CNTN5: variants seen among roughly 807,000 people sequenced by gnomAD.
The protein encoded by CNTN5 is contactin-5.
CNTN5 carries 77 observed loss-of-function variants against 129.1 expected under a neutral mutation model. That is an observed-to-expected ratio of 0.60 (90% CI 0.50 to 0.72). The LOEUF (loss-of-function observed/expected upper bound fraction) is 0.72. CNTN5 is among the 30% of genes least tolerant of loss of function. The probability of loss-of-function intolerance (pLI) is 0.00; values close to 1 mark genes in which losing one functional copy is unlikely to be tolerated. For synonymous variants in CNTN5, 509 were observed against 465.6 expected, an observed-to-expected ratio of 1.09 and a Z score of -1.20; for missense variants, 1,478 against 1,328.8, an observed-to-expected ratio of 1.11 and a Z score of -1.75.
intron 9 of CNTN5, among the ~76,000 whole-genome samples, chr11:100,018,283 A>G (rs189029007): frequency 6.6e-6 from 1 of 152,024 alleles, no homozygotes; most frequent in East Asian, 1.9e-4. Flanking sequence ...ACATTTCTAC[A>G]TGTACACTTA....
intron 9 of CNTN5, among the ~76,000 whole-genome samples, chr11:100,015,443 C>T (rs1165893960): frequency 6.6e-6 from 1 of 152,074 alleles, no homozygotes; most frequent in Non-Finnish European, 1.5e-5. Flanking sequence ...GTAAGAAATG[C>T]CCTCAGTGGA....
intron 1 of CNTN5, among the ~76,000 whole-genome samples, chr11:99,129,430 A>T (rs1858818683): frequency 6.6e-6 from 1 of 152,148 alleles, no homozygotes; most frequent in African/African-American, 2.4e-5. Flanking sequence ...GAATAATAAT[A>T]GAAAACAAAC....
chr11:99,234,422 G>T (rs893828353), intron 1 of CNTN5, among the ~76,000 whole-genome samples: 1 of 152,192 alleles, frequency 6.6e-6, no homozygotes, highest in African/African-American at 2.4e-5. Context: ...TGCACACATA[G>T]GAGATGTTCA....
chr11:99,616,324 A>G (rs1565351640), intron 3 of CNTN5, among the ~76,000 whole-genome samples: 1 of 152,178 alleles, frequency 6.6e-6, no homozygotes, highest in African/African-American at 2.4e-5. Flanking sequence ...AGACTACTTG[A>G]TTCTGCACCC....
intron 2 of CNTN5, among the ~76,000 whole-genome samples, chr11:99,340,054 T>G (rs969633603): frequency 3.9e-5 from 6 of 152,130 alleles, no homozygotes; most frequent in African/African-American, 1.4e-4. Flanking sequence ...ATTGATGGAT[T>G]AGATATGACA....
At chr11:99,388,414 CAA>C (rs10652309) in intron 2 of CNTN5, among the ~76,000 whole-genome samples, 16,986 of 121,768 alleles carry the variant, frequency 0.14, 1,184 homozygotes, top group Non-Finnish European at 0.17. Flanking sequence ...AACCCGGTCT[CAA>C]AAAAAAAAAA....
intron 15 of CNTN5, among the ~76,000 whole-genome samples, chr11:100,212,709 A>C (rs73561228): frequency 0.059 from 8,963 of 152,072 alleles, 766 homozygotes; most frequent in African/African-American, 0.19. Context: ...GACTTTATCT[A>C]GTTCTAAAGT....
chr11:100,288,173 C>A (rs1339681675), intron 18 of CNTN5, among the ~76,000 whole-genome samples: 1 of 152,154 alleles, frequency 6.6e-6, no homozygotes, highest in Admixed American at 6.6e-5. Flanking sequence ...ACTTTAACAA[C>A]CCACTGTCAA....
At chr11:99,629,706 A>G (rs1309918007) in intron 3 of CNTN5, among the ~76,000 whole-genome samples, 1 of 152,066 alleles carries the variant, frequency 6.6e-6, no homozygotes, top group Admixed American at 6.6e-5. Context: ...AAATATTCTG[A>G]TGACACAATT....
intron 1 of CNTN5, among the ~76,000 whole-genome samples, chr11:99,171,329 T>C (rs12795211): frequency 0.37 from 55,506 of 152,050 alleles, 10,390 homozygotes; most frequent in East Asian, 0.41. Context: ...AGGATGTTTT[T>C]CTCCAATACA....
chr11:99,063,529 T>C (rs1864972482), intron 1 of CNTN5, among the ~76,000 whole-genome samples: 1 of 150,686 alleles, frequency 6.6e-6, no homozygotes, highest in African/African-American at 2.4e-5. Flanking sequence ...AATAAATAAA[T>C]AAATAAATAA....
At chr11:99,965,581 T>C (rs755276049) in intron 8 of CNTN5, among the ~76,000 whole-genome samples, 1 of 152,308 alleles carries the variant, frequency 6.6e-6, no homozygotes, top group South Asian at 2.1e-4. Flanking sequence ...TACTTCCAAC[T>C]ATGTGGTCAG....
In CNTN5 at chr11:99,844,847, T is replaced by C. The variant is rs756027539; in HGVS notation, c.278-5T>C. 12 of 1,609,156 alleles carry C rather than the reference T, an allele frequency of 7.5e-6. No homozygotes were observed. In the South Asian group the frequency reaches 1.3e-4, roughly 18 times the overall value. On this transcript the variant is annotated splice_polypyrimidine_tract_variant and splice_region_variant and intron_variant, in intron 4 of 24. Coordinates refer to ENST00000524871, the MANE Select transcript of CNTN5 (RefSeq NM_014361.4). ...ATTTAAAATGTGTCTGTTTTGTCTT[T>C]ACAGAAAGTGTGGACTATGGGCCAG... is the stretch of plus-strand genomic sequence containing the variant.
chr11:99,748,414 T>TAG (rs60403723), intron 3 of CNTN5, among the ~76,000 whole-genome samples: 13 of 150,972 alleles, frequency 8.6e-5, no homozygotes, highest in South Asian at 2.1e-4. Context: ...GAACAATCCA[T>TAG]AGAGAGAGAG....
intron 21 of CNTN5, among the ~76,000 whole-genome samples, chr11:100,327,381 C>T (rs1951810711): frequency 6.6e-6 from 1 of 152,190 alleles, no homozygotes; most frequent in Non-Finnish European, 1.5e-5. Context: ...CCCCCTCTTT[C>T]CAGACTGCAC....
At chr11:99,651,999 A>T (rs1408735354) in intron 3 of CNTN5, among the ~76,000 whole-genome samples, 2 of 152,096 alleles carry the variant, frequency 1.3e-5, no homozygotes, top group African/African-American at 2.4e-5. Flanking sequence ...CACAAACACC[A>T]CAAATGCATT....
At chr11:100,226,489 C>A (rs1266930160) in intron 16 of CNTN5, among the ~76,000 whole-genome samples, 4 of 152,112 alleles carry the variant, frequency 2.6e-5, no homozygotes, top group Non-Finnish European at 5.9e-5. Flanking sequence ...CTTTCATGTT[C>A]TGCTCTTTTA....
At chr11:99,918,536 C>G (rs937757169) in intron 7 of CNTN5, among the ~76,000 whole-genome samples, 1 of 152,040 alleles carries the variant, frequency 6.6e-6, no homozygotes, top group South Asian at 2.1e-4. Context: ...CATCCTATTA[C>G]GTTGTGAAAG....
intron 13 of CNTN5, among the ~76,000 whole-genome samples, chr11:100,119,866 G>C (rs920230684): frequency 1.3e-5 from 2 of 151,882 alleles, no homozygotes; most frequent in East Asian, 1.9e-4. Context: ...TAAACTGCCT[G>C]AATTAGGCAA....
Sources: allele counts gnomAD v4.1 joint callset (sites outside exome capture counted in the v4.1 genomes callset), GRCh38; gene constraint gnomAD v4.1.1; transcripts MANE v1.5; gene names NCBI Gene and HGNC (gene_info 2026-07-23, HGNC 2026-07-21).